The following ADRM1 variants were observed in gnomAD, a reference collection of about 807,000 sequenced individuals.
The protein encoded by ADRM1 is proteasomal ubiquitin receptor ADRM1.
A neutral mutation model predicts 40.1 loss-of-function variants in ADRM1; 2 were observed. The ratio of observed to expected loss-of-function variants is 0.05; its 90% CI spans 0.02 to 0.16. The LOEUF is 0.16. Among genes scored for constraint, ADRM1 ranks in the 10% least tolerant of loss-of-function variants. The probability of loss-of-function intolerance (pLI) is 1.00; values close to 1 mark genes in which losing one functional copy is unlikely to be tolerated. For missense variants in ADRM1, 467 were observed against 552.5 expected, an observed-to-expected ratio of 0.85 and a Z score of 1.55; for synonymous variants, 287 against 240.4, an observed-to-expected ratio of 1.19 and a Z score of -1.79.
At chr20:62,304,361 G>T in intron 2 of ADRM1, 100 bp from the exon 3 acceptor site, 2 of 995,834 alleles carry the variant, frequency 2.0e-6, no homozygotes, top group Non-Finnish European at 1.5e-6. Flanking sequence ...TGCCCCTTGC[G>T]CACCCCACCC....
intron 3 of ADRM1, chr20:62,305,599 C>G (rs1004025830): frequency 1.3e-5 from 2 of 152,262 alleles, no homozygotes; most frequent in Non-Finnish European, 1.5e-5. Context: ...AGTCCCCCGT[C>G]CCTGCTTTGC....
intron 5 of ADRM1, among the ~76,000 whole-genome samples, chr20:62,307,077 C>T (rs894652986): frequency 1.3e-5 from 2 of 152,180 alleles, no homozygotes; most frequent in Non-Finnish European, 2.9e-5. Context: ...AGTGCAGACC[C>T]GTGTGCTTGG....
Position 62,306,185 on chromosome 20 carries a change from T to C in ADRM1, c.331-12T>C, listed in dbSNP as rs1197334113. On this transcript the variant is annotated splice_polypyrimidine_tract_variant and intron_variant, in intron 3 of 9. Transcript: ENST00000253003. ...CGCCAGCTCCTGCCCTTACATGCCC[T>C]TCCTCTTGCAGGAACCCAAGACAGA... 1 of 1,605,194 alleles carries C rather than the reference T, an allele frequency of 6.2e-7. No homozygotes were observed. Among genetic ancestry groups the C allele is most frequent in the Admixed American group, 1.7e-5 (1 of 59,864 alleles).
In ADRM1 at chr20:62,306,246, A is replaced by G; in HGVS notation, c.380A>G (p.Tyr127Cys). The G allele has an allele frequency of 6.2e-7, 1 of 1,613,320 alleles. No homozygotes were observed. The highest frequency in any genetic ancestry group is 8.5e-7 in the Non-Finnish European group (1 of 1,179,934). The change falls in exon 4 of 10, where the codon TAT becomes TGT. Residue 127 changes from tyrosine (Y) to cysteine (C), a missense_variant. By Grantham distance (194) the Tyr-to-Cys change is radical. Transcript: ENST00000253003. ...GAGCATTGCCGGAAAGTCAACGAGT[A>G]TCTGAACAACCCCCCGATGCCTGGG... ...DEEHCRKVNEYLNNPPMPGAL... is the reference protein window; with the variant it reads ...DEEHCRKVNECLNNPPMPGAL...
intron 3 of ADRM1, chr20:62,305,899 G>T: frequency 2.7e-6 from 1 of 366,016 alleles, no homozygotes; most frequent in South Asian, 3.1e-5. Context: ...GGCTTGGTCT[G>T]GCAGCAGCTA....
intron 9 of ADRM1, 39 bp from the exon 10 acceptor site, chr20:62,308,616 A>G: frequency 6.2e-7 from 1 of 1,610,044 alleles, no homozygotes; most frequent in Non-Finnish European, 8.5e-7. Context: ...AGTTCTGGGC[A>G]AGGGTTAGAC....
chr20:62,307,381 G>T lies in ADRM1; in HGVS notation c.552G>T (p.Gly184=), dbSNP rs1413537549. 1.9e-6 allele frequency: 3 copies of T among 1,599,710 alleles called. No homozygotes were observed. The African/African-American group carries it at 4.1e-5, about 22-fold the overall frequency. The change falls in exon 6 of 10, where the codon GGG becomes GGT. Residue 184 remains glycine, a synonymous_variant. Transcript: ENST00000253003. ...CCTTGCCCCTCGCAGGTGGGCTGGGGGCCCTGACTGGACCTGGCCTGGCCA... is the reference window on the plus strand; with the variant it reads ...CCTTGCCCCTCGCAGGTGGGCTGGGTGCCCTGACTGGACCTGGCCTGGCCA... ...PAGLGGLGGL[G]ALTGPGLASL... is the part of the protein sequence containing the mutation.
Position 62,306,248 on chromosome 20 carries a change from C to T in ADRM1, c.382C>T (p.Leu128=). The change falls in exon 4 of 10, where the codon CTG becomes TTG. Residue 128 remains leucine (L), a synonymous_variant. Transcript: ENST00000253003. ...EEHCRKVNEY[L]NNPPMPGALG... The stretch of plus-strand genomic sequence containing the variant: ...GCATTGCCGGAAAGTCAACGAGTAT[C>T]TGAACAACCCCCCGATGCCTGGGGC... The T allele has an allele frequency of 6.2e-7, 1 of 1,613,300 alleles. No individual in the cohort carries two copies. The highest frequency in any genetic ancestry group is 2.2e-5 in the East Asian group (1 of 44,862).
chr20:62,304,373 G>A, intron 2 of ADRM1, 88 bp from the exon 3 acceptor site: 4 of 1,179,774 alleles, frequency 3.4e-6, no homozygotes, highest in South Asian at 1.3e-5. Flanking sequence ...ACCCCACCCG[G>A]TTAGACCCAG....
rs1984927128 is a variant in ADRM1 at position 62,306,187 on chromosome 20, C to T, written c.331-10C>T. On this transcript the variant is annotated splice_polypyrimidine_tract_variant and intron_variant, in intron 3 of 9. Coordinates refer to ENST00000253003, the MANE Select transcript of ADRM1 (RefSeq NM_007002.4). ...CCAGCTCCTGCCCTTACATGCCCTT[C>T]CTCTTGCAGGAACCCAAGACAGACC... 2.5e-6 allele frequency: 4 copies of T among 1,605,462 alleles called. No homozygotes were observed. The highest frequency in any genetic ancestry group is 2.2e-5 in the East Asian group (1 of 44,636).
chr20:62,303,166 G>A (rs1984352070), intron 1 of ADRM1, 117 bp downstream of exon 1: 1 of 154,806 alleles, frequency 6.5e-6, no homozygotes, highest in South Asian at 2.0e-4. Context: ...CGCGGCGGGT[G>A]GGGCCTGCGG....
chr20:62,305,472 C>T (rs1568869834), intron 3 of ADRM1: 2 of 152,266 alleles, frequency 1.3e-5, no homozygotes, highest in Admixed American at 6.5e-5. Flanking sequence ...CAGATGGCGG[C>T]CACAATTTGC....
intron 2 of ADRM1, 115 bp from the exon 3 acceptor site, chr20:62,304,346 T>G: frequency 1.2e-6 from 1 of 813,378 alleles, no homozygotes; most frequent in Non-Finnish European, 2.0e-6. Context: ...GTCTGGCGGC[T>G]TAGCTGCCCC....
chr20:62,304,435 G>C, intron 2 of ADRM1, 26 bp from the exon 3 acceptor site: 1 of 1,595,386 alleles, frequency 6.3e-7, no homozygotes, highest in Non-Finnish European at 8.6e-7. Flanking sequence ...CTGCGCCACT[G>C]ACTCTCTCTT....
At chr20:62,308,336 G>A (rs1406372253) in intron 8 of ADRM1, 32 bp from the exon 9 acceptor site, 1 of 1,571,524 alleles carries the variant, frequency 6.4e-7, no homozygotes, top group African/African-American at 1.3e-5. Context: ...AGCCCGGGTT[G>A]GAGCTCAGCC....
chr20:62,304,292 C>T, intron 2 of ADRM1, 169 bp from the exon 3 acceptor site: 1 of 607,258 alleles, frequency 1.6e-6, no homozygotes, highest in Non-Finnish European at 3.0e-6. Context: ...TGGGCTGTCT[C>T]TGACCCTGGC....
At chr20:62,307,022 G>C (rs192001294) in intron 5 of ADRM1, among the ~76,000 whole-genome samples, 153 of 152,272 alleles carry the variant, frequency 1.0e-3, no homozygotes, top group African/African-American at 3.6e-3. Flanking sequence ...CTGCGCCCTG[G>C]GTCCCCTGGC....
In ADRM1 at chr20:62,306,217, T is replaced by C; in HGVS notation, c.351T>C (p.Asp117=). ...TGCAGGAACCCAAGACAGACCAGGA[T>C]GAGGAGCATTGCCGGAAAGTCAACG... is the stretch of plus-strand genomic sequence containing the variant. ...FWMQEPKTDQ[D]EEHCRKVNEY... The change falls in exon 4 of 10, where the codon GAT becomes GAC. Residue 117 remains aspartate (D), a synonymous_variant. Coordinates refer to ENST00000253003, the MANE Select transcript of ADRM1 (RefSeq NM_007002.4). 6.2e-7 allele frequency: 1 copy of C among 1,612,882 alleles called. No homozygotes were observed. Among genetic ancestry groups the C allele is most frequent in the Non-Finnish European group, 8.5e-7 (1 of 1,179,752 alleles).
At chr20:62,306,143 G>T in intron 3 of ADRM1, 54 bp from the exon 4 acceptor site, 1 of 1,578,186 alleles carries the variant, frequency 6.3e-7, no homozygotes, top group South Asian at 1.2e-5. Context: ...TGGCTGTGGT[G>T]GCCCTGGGTG....
Sources: gnomAD v4.1 joint callset for allele counts (sites outside exome capture counted in the v4.1 genomes callset) on GRCh38, gnomAD v4.1.1 for gene constraint, MANE v1.5 for transcripts, NCBI Gene and HGNC (gene_info 2026-07-23, HGNC 2026-07-21) for gene names.